Variants in MIPEP observed in about 807,000 individuals in gnomAD.
MIPEP encodes mitochondrial intermediate peptidase.
In MIPEP, 79 loss-of-function variants were observed where a neutral mutation model predicts 90.3. That is an observed-to-expected ratio of 0.87 (90% CI 0.73 to 1.05). The LOEUF is 1.05. Among genes scored for constraint, MIPEP ranks in the 50% least tolerant of loss-of-function variants. MIPEP has a pLI of 0.00. For synonymous variants in MIPEP, 334 were observed against 315.8 expected (o/e 1.06, Z -0.61); for missense variants, 940 against 905.6 (o/e 1.04, Z -0.49).
chr13:23,832,246 C>T (rs922064751), intron 14 of MIPEP, among the ~76,000 whole-genome samples: 1 of 152,152 alleles, frequency 6.6e-6, no homozygotes, highest in Admixed American at 6.5e-5. Context: ...CTCAGTCCCT[C>T]GCCATGTGAG....
At chr13:23,863,912 A>G (rs1345586915) in intron 8 of MIPEP, among the ~76,000 whole-genome samples, 1 of 152,234 alleles carries the variant, frequency 6.6e-6, no homozygotes, top group Non-Finnish European at 1.5e-5. Flanking sequence ...TGAAAGATGA[A>G]TTTCTAAAAA....
rs1054636702 is a variant in MIPEP at position 23,858,895 on chromosome 13, G to A, written c.1071C>T (p.Asp357=). ...NPQNSEVMPW[D]PPYYSGVIRA... is the part of the protein sequence containing the mutation. ...GAATCACACCACTGTAGTAAGGGGG[G>A]TCCCAGGGCATTACTTCCTACAATG... The change falls in exon 10 of 19, where the codon GAC becomes GAT. Residue 357 remains aspartate, a synonymous_variant. Transcript: ENST00000382172. 1 of 1,613,412 alleles carries A rather than the reference G, an allele frequency of 6.2e-7. No homozygotes were observed. The highest frequency in any genetic ancestry group is 1.1e-5 in the South Asian group (1 of 91,058).
At chr13:23,753,746 C>T (rs1952464491) in intron 18 of MIPEP, among the ~76,000 whole-genome samples, 1 of 152,198 alleles carries the variant, frequency 6.6e-6, no homozygotes, top group Non-Finnish European at 1.5e-5. Flanking sequence ...GGACTCAGAG[C>T]TCTGAGCAGA....
At chr13:23,791,531 C>A (rs529323801) in intron 16 of MIPEP, among the ~76,000 whole-genome samples, 2 of 152,254 alleles carry the variant, frequency 1.3e-5, no homozygotes, top group East Asian at 3.9e-4. Flanking sequence ...GTTCACACAC[C>A]CTAAAGACGG....
At chr13:23,785,524 A>T (rs1431483556) in intron 16 of MIPEP, among the ~76,000 whole-genome samples, 3 of 151,944 alleles carry the variant, frequency 2.0e-5, no homozygotes, top group African/African-American at 7.3e-5. Flanking sequence ...TACCCAATGT[A>T]AATGACGAGT....
intron 18 of MIPEP, among the ~76,000 whole-genome samples, chr13:23,753,938 C>T (rs1952466275): frequency 6.6e-6 from 1 of 152,008 alleles, no homozygotes; most frequent in Non-Finnish European, 1.5e-5. Context: ...AGTCTTATAA[C>T]TAAGGAGGTA....
At chr13:23,785,128 C>G (rs1952824466) in intron 16 of MIPEP, among the ~76,000 whole-genome samples, 1 of 152,202 alleles carries the variant, frequency 6.6e-6, no homozygotes, top group Non-Finnish European at 1.5e-5. Flanking sequence ...ACCCAGCCAT[C>G]CCATTACTGG....
intron 14 of MIPEP, among the ~76,000 whole-genome samples, chr13:23,826,702 A>T (rs1755559678): frequency 6.6e-6 from 1 of 152,220 alleles, no homozygotes; most frequent in Non-Finnish European, 1.5e-5. Flanking sequence ...TAAAACAGAA[A>T]CCGAATTAGA....
intron 16 of MIPEP, among the ~76,000 whole-genome samples, chr13:23,803,445 T>C (rs190097271): frequency 2.9e-4 from 44 of 152,300 alleles, no homozygotes; most frequent in Admixed American, 2.8e-3. Context: ...ATTTAAAGCT[T>C]TACTTTTCAC....
At chr13:23,823,971 A>C (rs1283217198) in intron 14 of MIPEP, among the ~76,000 whole-genome samples, 1 of 152,246 alleles carries the variant, frequency 6.6e-6, no homozygotes, top group Non-Finnish European at 1.5e-5. Flanking sequence ...AAAGAGAGGA[A>C]GGTGTCAACT....
intron 2 of MIPEP, among the ~76,000 whole-genome samples, chr13:23,882,318 T>C (rs918468921): frequency 3.3e-5 from 5 of 152,312 alleles, no homozygotes; most frequent in African/African-American, 1.2e-4. Context: ...GGTTTTCACA[T>C]GTTAACTTAT....
intron 10 of MIPEP, among the ~76,000 whole-genome samples, chr13:23,851,523 C>A (rs1010601952): frequency 6.6e-6 from 1 of 152,134 alleles, no homozygotes; most frequent in African/African-American, 2.4e-5. Context: ...GGGTAAATGA[C>A]TGAGGAAAAA....
At chr13:23,887,399 T>A (rs1871543703) in intron 1 of MIPEP, among the ~76,000 whole-genome samples, 1 of 152,200 alleles carries the variant, frequency 6.6e-6, no homozygotes, top group Non-Finnish European at 1.5e-5. Flanking sequence ...GAACAGAGTA[T>A]CATTCTTTTA....
At chr13:23,831,340 C>A (rs1030277289) in intron 14 of MIPEP, among the ~76,000 whole-genome samples, 1 of 127,108 alleles carries the variant, frequency 7.9e-6, no homozygotes, top group Admixed American at 8.7e-5. Flanking sequence ...ACTCTGAGTA[C>A]CCAAATGATC....
chr13:23,760,101 G>T lies in MIPEP; in HGVS notation c.1965C>A (p.Phe655Leu), dbSNP rs1426013419. ...TTTAGAACTTACCCCCTTACCTGTT[G>T]AAAGGATCCTGTAGAAAACACTCCT... ...VWKECFLQDP[F>L]NRAAGERYRR... Residue 655 changes from phenylalanine to leucine, a missense_variant, in exon 17 of 19, where the codon TTC becomes TTA. Coordinates refer to ENST00000382172, the MANE Select transcript of MIPEP (RefSeq NM_005932.4). 6.2e-6 allele frequency: 10 copies of T among 1,614,002 alleles called. No individual in the cohort carries two copies. The highest frequency in any genetic ancestry group is 8.5e-6 in the Non-Finnish European group (10 of 1,180,010).
intron 10 of MIPEP, among the ~76,000 whole-genome samples, chr13:23,858,100 A>G (rs1271382694): frequency 6.6e-6 from 1 of 152,192 alleles, no homozygotes; most frequent in Non-Finnish European, 1.5e-5. Flanking sequence ...ATAAGTTGTT[A>G]AAGAGTAGGA....
chr13:23,743,028 A>T (rs1171408798), intron 18 of MIPEP, among the ~76,000 whole-genome samples: 1 of 152,226 alleles, frequency 6.6e-6, no homozygotes, highest in Non-Finnish European at 1.5e-5. Context: ...CGATTCACTC[A>T]AATATACAGC....
chr13:23,795,856 T>A (rs1293428481), intron 16 of MIPEP, among the ~76,000 whole-genome samples: 1 of 123,842 alleles, frequency 8.1e-6, no homozygotes, highest in Non-Finnish European at 1.7e-5. Flanking sequence ...GGGAGTGGGG[T>A]GTGGTGATGA....
At chr13:23,862,227 G>A in intron 9 of MIPEP, 75 bp downstream of exon 9, 1 of 906,562 alleles carries the variant, frequency 1.1e-6, no homozygotes, top group Non-Finnish European at 1.7e-6. Flanking sequence ...TCACAAGAAA[G>A]TTCCTGAATC....
Sources: gnomAD v4.1 joint callset for allele counts (sites outside exome capture counted in the v4.1 genomes callset) on GRCh38, gnomAD v4.1.1 for gene constraint, MANE v1.5 for transcripts, NCBI Gene and HGNC (gene_info 2026-07-23, HGNC 2026-07-21) for gene names.